The following USP14 variants were observed in gnomAD, a reference collection of about 807,000 sequenced individuals.
USP14 encodes ubiquitin specific peptidase 14.
USP14 carries 38 observed loss-of-function variants against 76.5 expected under a neutral mutation model. The ratio of observed to expected loss-of-function variants is 0.50; its 90% CI spans 0.38 to 0.65. The LOEUF is 0.65. Among genes scored for constraint, USP14 ranks in the 30% least tolerant of loss-of-function variants. The probability of loss-of-function intolerance (pLI) is 0.00; values close to 1 mark genes in which losing one functional copy is unlikely to be tolerated. For missense variants in USP14, 467 were observed against 586.5 expected (o/e 0.80, Z 2.10); for synonymous variants, 192 against 191.7 (o/e 1.00, Z -0.01).
rs1910730776 is a variant in USP14 at position 213,364 on chromosome 18, CTTGA to C, written c.*2083_*2086del. 6.6e-6 allele frequency: 1 copy of C among 151,886 alleles called. No homozygotes were observed. Among genetic ancestry groups the C allele is most frequent in the Non-Finnish European group, 1.5e-5 (1 of 67,986 alleles). 9.4% of individuals were successfully genotyped at this position (151,886 alleles called of 1,614,324 possible). A position where few individuals can be genotyped will look rare whatever the true frequency, so the allele number is the denominator to read the frequency against. ...AATTCCTTATCATCATTATAAAAAG[CTTGA>C]TTTTTTTATTTGATCTAAAAAAGCA... On this transcript the variant is annotated 3_prime_UTR_variant, in exon 16 of 16. Transcript: ENST00000261601.
intron 5 of USP14, among the ~76,000 whole-genome samples, chr18:191,823 TG>T (rs900091544): frequency 6.2e-4 from 95 of 152,212 alleles, no homozygotes; most frequent in African/African-American, 2.1e-3. Context: ...GTCACTCTAA[TG>T]GGTGTGTAGT....
intron 3 of USP14, among the ~76,000 whole-genome samples, chr18:178,601 T>C (rs1017448872): frequency 1.3e-5 from 2 of 152,200 alleles, no homozygotes; most frequent in African/African-American, 4.8e-5. Flanking sequence ...TTGTACACCT[T>C]TGCCTTGGCC....
At chr18:173,547 G>A (rs556124472) in intron 3 of USP14, among the ~76,000 whole-genome samples, 5 of 152,112 alleles carry the variant, frequency 3.3e-5, no homozygotes, top group Admixed American at 6.6e-5. Context: ...GAGTAGCTGG[G>A]ATTAAAGGCA....
chr18:180,513 C>T (rs1000296657), intron 5 of USP14, among the ~76,000 whole-genome samples, 174 bp downstream of exon 5: 2 of 152,288 alleles, frequency 1.3e-5, no homozygotes, highest in Admixed American at 6.5e-5. Flanking sequence ...ACCATCACCA[C>T]CATCGATTTT....
At chr18:168,197 A>AT (rs1909333143) in intron 3 of USP14, among the ~76,000 whole-genome samples, 1 of 152,096 alleles carries the variant, frequency 6.6e-6, no homozygotes, top group Non-Finnish European at 1.5e-5. Context: ...GAGTGCTAGG[A>AT]TTACAGGCGT....
chr18:162,497 A>G (rs998114534), intron 1 of USP14, among the ~76,000 whole-genome samples: 7 of 152,260 alleles, frequency 4.6e-5, no homozygotes, highest in East Asian at 1.9e-4. Context: ...ACACTTTTCA[A>G]TTCTCCCAGA....
intron 5 of USP14, among the ~76,000 whole-genome samples, chr18:189,779 G>A (rs900776015): frequency 9.2e-5 from 14 of 152,132 alleles, no homozygotes; most frequent in Non-Finnish European, 1.6e-4. Context: ...CATGCCTGGC[G>A]CGTTTATTTT....
intron 12 of USP14, among the ~76,000 whole-genome samples, chr18:204,105 A>C (rs1910460506): frequency 6.6e-6 from 1 of 152,094 alleles, no homozygotes; most frequent in South Asian, 2.1e-4. Context: ...AATGTAGTTG[A>C]AGTATCTAGT....
Position 211,549 on chromosome 18 carries a change from G to A in USP14, c.*265G>A, listed in dbSNP as rs1389063024. Reference sequence around the variant, plus strand: ...ATTATTTCTTGCATTATTTTAAAAAGTTCAGAGTTGAAATGCCTTTCAACC... The same window carrying A: ...ATTATTTCTTGCATTATTTTAAAAAATTCAGAGTTGAAATGCCTTTCAACC... On this transcript the variant is annotated 3_prime_UTR_variant, in exon 16 of 16. Coordinates refer to ENST00000261601, the MANE Select transcript of USP14 (RefSeq NM_005151.4). The A allele has an allele frequency of 3.5e-6, 1 of 287,206 alleles. No individual in the cohort carries two copies. The highest frequency in any genetic ancestry group is 5.1e-5 in the Admixed American group (1 of 19,598). The allele number at this position is 287,206 out of a possible 1,614,324, so 17.8% of individuals were successfully genotyped here.
chr18:200,523 G>T (rs1910356953), intron 10 of USP14, among the ~76,000 whole-genome samples: 1 of 152,198 alleles, frequency 6.6e-6, no homozygotes, highest in Non-Finnish European at 1.5e-5. Context: ...ACTAGAACTT[G>T]CTTCTTTCAT....
rs747410834 is a variant in USP14 at position 199,191 on chromosome 18, A to G, written c.762-11A>G. 5.7e-6 allele frequency: 9 copies of G among 1,574,670 alleles called. No homozygotes were observed. In the South Asian group the frequency reaches 8.9e-5, roughly 16 times the overall value. On this transcript the variant is annotated splice_polypyrimidine_tract_variant and intron_variant, in intron 9 of 15. Transcript: ENST00000261601. The stretch of plus-strand genomic sequence containing the variant: ...TACCCGTTGGCATATTCCTTATCTT[A>G]GTTTACAAAGCATGAAATGTACAGA...
At chr18:191,287 A>G (rs765020777) in intron 5 of USP14, among the ~76,000 whole-genome samples, 2 of 152,190 alleles carry the variant, frequency 1.3e-5, no homozygotes, top group Admixed American at 6.5e-5. Context: ...GTTGAGTCAC[A>G]TCAGTTTCCG....
intron 5 of USP14, among the ~76,000 whole-genome samples, chr18:183,146 C>G (rs1003379669): frequency 6.6e-6 from 1 of 152,012 alleles, no homozygotes; most frequent in African/African-American, 2.4e-5. Context: ...TTACCCTTTC[C>G]TCTTATCCTT....
chr18:189,450 T>C (rs1196080948), intron 5 of USP14, among the ~76,000 whole-genome samples: 1 of 152,100 alleles, frequency 6.6e-6, no homozygotes, highest in African/African-American at 2.4e-5. Context: ...AGAAAGTCTC[T>C]TATCTTTTCC....
intron 6 of USP14, among the ~76,000 whole-genome samples, chr18:193,757 G>C (rs1215621301): frequency 6.6e-6 from 1 of 152,170 alleles, no homozygotes; most frequent in East Asian, 1.9e-4. Flanking sequence ...ATTATGGCAT[G>C]TATCAGTACT....
In USP14 at chr18:198,029, T is replaced by C. The variant is rs1217118733; in HGVS notation, c.676-18T>C. ...TAATATTTATATAAAGTTGGAATTT[T>C]TATTTTAATTTTTGCAGACAGACTC... On this transcript the variant is annotated intron_variant, in intron 8 of 15. Coordinates refer to ENST00000261601, the MANE Select transcript of USP14 (RefSeq NM_005151.4). 1.3e-6 allele frequency: 2 copies of C among 1,593,540 alleles called. No individual in the cohort carries two copies. The highest frequency in any genetic ancestry group is 2.2e-5 in the East Asian group (1 of 44,650).
intron 12 of USP14, 129 bp from the exon 13 acceptor site, chr18:204,435 C>T (rs1005528189): frequency 3.4e-6 from 3 of 877,300 alleles, no homozygotes; most frequent in Admixed American, 3.9e-5. Flanking sequence ...TGCAGATTTC[C>T]AAGTGATTTT....
At chr18:165,497 G>A in intron 2 of USP14, among the ~76,000 whole-genome samples, 1 of 152,134 alleles carries the variant, frequency 6.6e-6, no homozygotes, top group East Asian at 1.9e-4. Flanking sequence ...AATTATAGAA[G>A]TATGCGAATT....
At chr18:199,356 C>G (rs778734356) in intron 10 of USP14, 40 bp downstream of exon 10, 1 of 1,453,912 alleles carries the variant, frequency 6.9e-7, no homozygotes, top group Non-Finnish European at 9.6e-7. Flanking sequence ...TTTGTGAATT[C>G]CATGTTTGCG....
Sources: gnomAD v4.1 joint callset for allele counts (sites outside exome capture counted in the v4.1 genomes callset) on GRCh38, gnomAD v4.1.1 for gene constraint, MANE v1.5 for transcripts, NCBI Gene and HGNC (gene_info 2026-07-23, HGNC 2026-07-21) for gene names.